Variants in CLASRP observed in about 807,000 individuals in gnomAD.
The protein encoded by CLASRP is CLK4 associating serine/arginine rich protein.
CLASRP carries 52 observed loss-of-function variants against 99.9 expected under a neutral mutation model. The observed-to-expected ratio is 0.52, with a 90% CI of 0.42 to 0.66. The LOEUF (loss-of-function observed/expected upper bound fraction) is 0.66, where lower values mean the gene tolerates loss of function less well. Ranked by LOEUF, CLASRP falls within the 30% of genes least tolerant of loss-of-function variation. The probability of loss-of-function intolerance (pLI) is 0.00; values close to 1 mark genes in which losing one functional copy is unlikely to be tolerated. For missense variants in CLASRP, 848 were observed against 999.2 expected (o/e 0.85, Z 2.04); for synonymous variants, 379 against 373.0 (o/e 1.02, Z -0.18).
chr19:45,044,043 G>C (rs1465459783), intron 2 of CLASRP, among the ~76,000 whole-genome samples: 1 of 152,096 alleles, frequency 6.6e-6, no homozygotes, highest in Non-Finnish European at 1.5e-5. Flanking sequence ...CACCACGCCC[G>C]GCTAATTTTT....
chr19:45,070,582 C>T (rs1967217742), intron 20 of CLASRP, 21 bp downstream of exon 20: 1 of 1,609,778 alleles, frequency 6.2e-7, no homozygotes, highest in Non-Finnish European at 8.5e-7. Flanking sequence ...CCATGACCCT[C>T]CACTTTCTTG....
At chr19:45,050,797 A>C (rs1188993519) in intron 2 of CLASRP, among the ~76,000 whole-genome samples, 1 of 149,702 alleles carries the variant, frequency 6.7e-6, no homozygotes, top group Non-Finnish European at 1.5e-5. Flanking sequence ...ATTGCAACCT[A>C]CCTCCACCTC....
In CLASRP at chr19:45,057,912, T is replaced by G. The variant is rs1972151564; in HGVS notation, c.613+14T>G. ...TCCCCGACATCGGTGGGGTCCCCTC[T>G]CTGCCCTCCCCACCTGCAGTCCCTG... is the stretch of plus-strand genomic sequence containing the variant. On this transcript the variant is annotated intron_variant, in intron 7 of 20. Transcript: ENST00000221455. The G allele has an allele frequency of 6.2e-7, 1 of 1,613,210 alleles. No individual in the cohort carries two copies. Among genetic ancestry groups the G allele is most frequent in the Admixed American group, 1.7e-5 (1 of 59,972 alleles).
intron 18 of CLASRP, among the ~76,000 whole-genome samples, chr19:45,069,458 C>T (rs902477335): frequency 1.3e-5 from 2 of 152,152 alleles, no homozygotes; most frequent in African/African-American, 2.4e-5. Context: ...CCCGCCACCG[C>T]GACCTCCTCC....
chr19:45,060,273 C>T lies in CLASRP; in HGVS notation c.711-116C>T, dbSNP rs372562583. 1.7e-5 allele frequency: 14 copies of T among 839,676 alleles called. No homozygotes were observed. In the African/African-American group the frequency reaches 2.0e-4, roughly 12 times the overall value. The allele number at this position is 839,676 out of a possible 1,614,324, so 52.0% of individuals were successfully genotyped here. A position where few individuals can be genotyped will look rare whatever the true frequency, so the allele number is the denominator to read the frequency against. On this transcript the variant is annotated intron_variant, in intron 8 of 20. Coordinates refer to ENST00000221455, the MANE Select transcript of CLASRP (RefSeq NM_007056.3). This position sits in a 1 kb window ranked among gnomAD's most constrained non-coding sequence, Gnocchi z 4.6. ...GATAAGTGGCATTGAATGAAAGATA[C>T]CTCAGGCTGGCGTGGGGTGACTCAG...
chr19:45,048,006 C>T (rs1347079956), intron 2 of CLASRP, among the ~76,000 whole-genome samples: 2 of 151,204 alleles, frequency 1.3e-5, no homozygotes, highest in Admixed American at 6.6e-5. Context: ...ACCTGGGAGG[C>T]GGAGGTTGCA....
intron 5 of CLASRP, among the ~76,000 whole-genome samples, chr19:45,054,560 T>G (rs920256371): frequency 2.0e-5 from 3 of 152,178 alleles, no homozygotes; most frequent in Admixed American, 6.6e-5. Flanking sequence ...TCACCCCATG[T>G]TACAGACAAG....
rs764854324 is a variant in CLASRP at position 45,064,036 on chromosome 19, GTCCCGCTCCCGC to G, written c.941_952del (p.Arg314_Ser317del). On this transcript the variant is annotated inframe_deletion, in exon 12 of 21. Coordinates refer to ENST00000221455, the MANE Select transcript of CLASRP (RefSeq NM_007056.3). ...GGTCACCCTCGGAGTCCAGCTCAGA[GTCCCGCTCCCGC>G]TCCCGCTCCCCGACCCCGGGCCGCG... 9 of 1,612,318 alleles carry G rather than the reference GTCCCGCTCCCGC, an allele frequency of 5.6e-6. No individual in the cohort carries two copies. The highest frequency in any genetic ancestry group is 2.2e-5 in the East Asian group (1 of 44,860).
chr19:45,055,869 G>GGGAA (rs1373362359), intron 5 of CLASRP, among the ~76,000 whole-genome samples: 24 of 152,150 alleles, frequency 1.6e-4, no homozygotes, highest in Admixed American at 1.6e-3. Context: ...GGCCTAGGGA[G>GGGAA]GGAAGGAAGG....
At chr19:45,039,356 C>CA (rs1297475418) in intron 1 of CLASRP, among the ~76,000 whole-genome samples, 2,163 of 132,762 alleles carry the variant, frequency 0.016, 58 homozygotes, top group African/African-American at 0.05. Flanking sequence ...GCCCCCTTGT[C>CA]AAAAAAAAAA....
At chr19:45,063,922 C>T in intron 11 of CLASRP, 90 bp from the exon 12 acceptor site, 2 of 1,479,134 alleles carry the variant, frequency 1.4e-6, no homozygotes, top group Non-Finnish European at 1.8e-6. Flanking sequence ...CTGTGGCCCG[C>T]GCTGGCGCTG....
At chr19:45,057,958 T>A in intron 7 of CLASRP, 60 bp downstream of exon 7, 1 of 1,602,324 alleles carries the variant, frequency 6.2e-7, no homozygotes. Context: ...CTGTGTCTCG[T>A]CCCTCACCCT....
chr19:45,053,162 A>C lies in CLASRP; in HGVS notation c.364A>C (p.Asn122His). Residue 122 changes from asparagine (N) to histidine (H), a missense_variant, in exon 5 of 21, where the codon AAC (asparagine) becomes CAC (histidine). By Grantham distance (68) the Asn-to-His change is moderately conservative. Around this residue, in one of 8 missense-constraint regions of CLASRP, gnomAD observed 13 missense variants for 41.2 expected, o/e 0.32. Coordinates refer to ENST00000221455, the MANE Select transcript of CLASRP (RefSeq NM_007056.3). ...CGAGCGCTACAGAGGCCTGGTGCAG[A>C]ACGACTTTGCCGGCAGTGAGTGATC... ...NYERYRGLVQ[N>H]DFAGISEEQC... is the part of the protein sequence containing the mutation. 1 of 1,614,028 alleles carries C rather than the reference A, an allele frequency of 6.2e-7. No individual in the cohort carries two copies. The highest frequency in any genetic ancestry group is 8.5e-7 in the Non-Finnish European group (1 of 1,180,010).
At chr19:45,049,241 G>A (rs1971977593) in intron 2 of CLASRP, among the ~76,000 whole-genome samples, 1 of 152,170 alleles carries the variant, frequency 6.6e-6, no homozygotes, top group African/African-American at 2.4e-5. Context: ...CTGGCTGTGG[G>A]AACTGGGCAT....
At chr19:45,063,725 C>T (rs1456390870) in intron 11 of CLASRP, among the ~76,000 whole-genome samples, 1 of 152,096 alleles carries the variant, frequency 6.6e-6, no homozygotes, top group Non-Finnish European at 1.5e-5. Context: ...GCTGGGATTA[C>T]AGGTGTGAGC....
intron 13 of CLASRP, among the ~76,000 whole-genome samples, chr19:45,066,805 T>C (rs1199721012): frequency 6.6e-6 from 1 of 150,712 alleles, no homozygotes. Context: ...GGGTGGAGAG[T>C]CCCACCAGTG....
At chr19:45,050,752 C>T (rs901446093) in intron 2 of CLASRP, among the ~76,000 whole-genome samples, 3 of 151,758 alleles carry the variant, frequency 2.0e-5, no homozygotes, top group African/African-American at 7.3e-5. Flanking sequence ...CGCTCTTGTC[C>T]CCCAGGCTGG....
chr19:45,064,141 C>T lies in CLASRP; in HGVS notation c.1035C>T (p.Ala345=), dbSNP rs751539426. Reference sequence around the variant, plus strand: ...AGGAGGCAGCCGCAGCCGCTGCTGCCGCAGCAGCATCAGGAGTCACCACAG... The same window carrying T: ...AGGAGGCAGCCGCAGCCGCTGCTGCTGCAGCAGCATCAGGAGTCACCACAG... ...SDEEAAAAAA[A]AAASGVTTGK... The change falls in exon 12 of 21, where the codon GCC becomes GCT. Residue 345 remains alanine, a synonymous_variant. Coordinates refer to ENST00000221455, the MANE Select transcript of CLASRP (RefSeq NM_007056.3). 7 of 1,610,746 alleles carry T rather than the reference C, an allele frequency of 4.3e-6. No homozygotes were observed. The African/African-American group carries it at 5.3e-5, about 12-fold the overall frequency.
At chr19:45,059,864 A>G (rs1306720459) in intron 8 of CLASRP, among the ~76,000 whole-genome samples, 1 of 152,018 alleles carries the variant, frequency 6.6e-6, no homozygotes, top group East Asian at 1.9e-4. Context: ...TGTCCTCACC[A>G]TGGCCGAAAG....
Sources: allele counts gnomAD v4.1 joint callset (sites outside exome capture counted in the v4.1 genomes callset), GRCh38; gene constraint gnomAD v4.1.1; regional missense constraint gnomAD v4.1.1; non-coding constraint Gnocchi (gnomAD v3.1); transcripts MANE v1.5; gene names NCBI Gene and HGNC (gene_info 2026-07-23, HGNC 2026-07-21).